The following WWOX variants were observed in gnomAD, a reference collection of about 807,000 sequenced individuals.
WWOX encodes WW domain-containing oxidoreductase.
Under a neutral mutation model 46.2 loss-of-function variants are expected in WWOX, and 69 were observed. The observed-to-expected ratio is 1.49, with a 90% confidence interval of 1.23 to 1.82. The LOEUF is 1.82. WWOX is among the 40% of genes most tolerant of loss of function. The pLI is 0.00. For missense variants in WWOX, 919 were observed against 542.6 expected, an observed-to-expected ratio of 1.69 and a Z score of -6.89; for synonymous variants, 359 against 202.6, an observed-to-expected ratio of 1.77 and a Z score of -6.56.
At chr16:78,422,684 T>TATATATATATACAC (rs1263877025) in intron 6 of WWOX, among the ~76,000 whole-genome samples, 4 of 52,960 alleles carry the variant, frequency 7.6e-5, no homozygotes, top group African/African-American at 1.1e-4. Flanking sequence ...TATATATATA[T>TATATATATATACAC]ACACACACAC....
rs564723430 is a variant in WWOX, at chr16:78,482,916, A to G, written c.1056+50164A>G. Among the ~76,000 whole-genome samples, 6 of 152,300 alleles carry G rather than the reference A, an allele frequency of 3.9e-5. No individual in the cohort carries two copies. In the South Asian group the frequency reaches 1.2e-3, roughly 32 times the overall value. On this transcript the variant is annotated intron_variant, in intron 8 of 8. Coordinates refer to ENST00000566780, the MANE Select transcript of WWOX (RefSeq NM_016373.4). ...CTGTTAAAAGGCATGAAAAAGAAAC[A>G]GTCATTCATATCTGTTCGTAGAAGT...
At chr16:78,308,057 CTAGCAGGGACTGGACTGAGACCCCA>C (rs2080166227) in intron 5 of WWOX, among the ~76,000 whole-genome samples, 2 of 137,068 alleles carry the variant, frequency 1.5e-5, no homozygotes, top group East Asian at 4.8e-4. Flanking sequence ...GGTGCCTGCA[CTAGCAGGGACTGGACTGAGACCCCA>C]GCTTTCCCAG....
At chr16:78,875,547 G>C (rs1011651345) in intron 8 of WWOX, among the ~76,000 whole-genome samples, 4 of 152,068 alleles carry the variant, frequency 2.6e-5, no homozygotes, top group African/African-American at 7.2e-5. Flanking sequence ...TCTGTTCTTG[G>C]CTATATGGAA....
chr16:78,965,317 C>G (rs2046344388), intron 8 of WWOX, among the ~76,000 whole-genome samples: 1 of 152,090 alleles, frequency 6.6e-6, no homozygotes, highest in Non-Finnish European at 1.5e-5. Context: ...GCCTATAATC[C>G]TAGCACGTTG....
intron 8 of WWOX, among the ~76,000 whole-genome samples, chr16:79,061,317 G>C (rs1156900251): frequency 6.6e-6 from 1 of 152,144 alleles, no homozygotes; most frequent in Non-Finnish European, 1.5e-5. Context: ...TATTAGCCCG[G>C]CACTGACTGG....
At chr16:78,742,045 G>A (rs1481443529) in intron 8 of WWOX, among the ~76,000 whole-genome samples, 1 of 152,046 alleles carries the variant, frequency 6.6e-6, no homozygotes, top group East Asian at 1.9e-4. Context: ...TTTCAACCTG[G>A]CAACCCTGTG....
intron 8 of WWOX, among the ~76,000 whole-genome samples, chr16:79,042,519 C>A (rs9930250): frequency 0.14 from 20,856 of 151,730 alleles, 1,550 homozygotes; most frequent in Middle Eastern, 0.22. Flanking sequence ...CATAATGTCT[C>A]AAATTACTTA....
chr16:78,607,247 C>G (rs1029077197), intron 8 of WWOX, among the ~76,000 whole-genome samples: 1 of 151,964 alleles, frequency 6.6e-6, no homozygotes, highest in South Asian at 2.1e-4. Context: ...TTTATATTTT[C>G]AAATACAATA....
At chr16:78,725,933 C>T (rs1222792628) in intron 8 of WWOX, among the ~76,000 whole-genome samples, 1 of 151,632 alleles carries the variant, frequency 6.6e-6, no homozygotes, top group East Asian at 2.0e-4. Context: ...TTCTCCTTTC[C>T]TTTTCTTTCC....
intron 5 of WWOX, among the ~76,000 whole-genome samples, chr16:78,195,336 G>A (rs1354789151): frequency 6.6e-6 from 1 of 152,154 alleles, no homozygotes; most frequent in Non-Finnish European, 1.5e-5. Flanking sequence ...AACTTCTTGA[G>A]GGAGGGAGAT....
chr16:78,744,945 C>T (rs1478672250), intron 8 of WWOX, among the ~76,000 whole-genome samples: 2 of 152,200 alleles, frequency 1.3e-5, no homozygotes, highest in African/African-American at 4.8e-5. Context: ...AATTTCCCTA[C>T]CTGATTCAGG....
At chr16:78,254,246 TGTAGAGATTGGTG>T (rs2038063235) in intron 5 of WWOX, among the ~76,000 whole-genome samples, 1 of 151,594 alleles carries the variant, frequency 6.6e-6, no homozygotes, top group Admixed American at 6.6e-5. Flanking sequence ...TGAAACTATT[TGTAGAGATTGGTG>T]GCAGGGTTGG....
At chr16:78,550,028 C>G (rs1375701257) in intron 8 of WWOX, among the ~76,000 whole-genome samples, 1 of 152,208 alleles carries the variant, frequency 6.6e-6, no homozygotes, top group Non-Finnish European at 1.5e-5. Flanking sequence ...ACGCAATACA[C>G]ATTCAATAAA....
intron 4 of WWOX, among the ~76,000 whole-genome samples, chr16:78,128,719 G>A (rs1409655621): frequency 1.3e-5 from 2 of 152,222 alleles, no homozygotes; most frequent in African/African-American, 2.4e-5. Context: ...GAGAGACTCC[G>A]CTGTGTCAGC....
intron 8 of WWOX, among the ~76,000 whole-genome samples, chr16:78,674,647 C>T (rs956814230): frequency 2.0e-5 from 3 of 152,144 alleles, no homozygotes; most frequent in African/African-American, 4.8e-5. Flanking sequence ...TTCTGGCCAC[C>T]TGCCTTTATC....
At chr16:79,020,358 G>T (rs2151384659) in intron 8 of WWOX, among the ~76,000 whole-genome samples, 1 of 152,262 alleles carries the variant, frequency 6.6e-6, no homozygotes, top group Non-Finnish European at 1.5e-5. Flanking sequence ...CCAACCAGTG[G>T]TTATGAATTC....
At chr16:78,947,876 C>G (rs919696654) in intron 8 of WWOX, among the ~76,000 whole-genome samples, 1 of 152,270 alleles carries the variant, frequency 6.6e-6, no homozygotes, top group East Asian at 1.9e-4. Flanking sequence ...AGCATCCTTC[C>G]AACAGGTTCA....
chr16:79,189,796 G>T (rs1349150131), intron 8 of WWOX, among the ~76,000 whole-genome samples: 1 of 151,658 alleles, frequency 6.6e-6, no homozygotes, highest in East Asian at 2.0e-4. Context: ...TGCTCCCGGT[G>T]GGAGGGGGGG....
intron 5 of WWOX, among the ~76,000 whole-genome samples, chr16:78,266,302 G>T (rs538496792): frequency 6.6e-6 from 1 of 152,172 alleles, no homozygotes; most frequent in Admixed American, 6.5e-5. Flanking sequence ...AAATTCCAGA[G>T]AGATCTGAAG....
Sources: gnomAD v4.1 joint callset for allele counts (sites outside exome capture counted in the v4.1 genomes callset) on GRCh38, gnomAD v4.1.1 for gene constraint, MANE v1.5 for transcripts, NCBI Gene and HGNC (gene_info 2026-07-23, HGNC 2026-07-21) for gene names.